The following GOLM2 variants were observed in gnomAD, a reference collection of about 807,000 sequenced individuals.
GOLM2 encodes protein GOLM2.
In GOLM2, 26 loss-of-function variants were observed where a neutral mutation model predicts 55.9. The observed-to-expected ratio is 0.47, with a 90% CI of 0.34 to 0.65. GOLM2 has a LOEUF of 0.65. Ranked by LOEUF, GOLM2 falls within the 30% of genes least tolerant of loss-of-function variation. The pLI is 0.01. For missense variants in GOLM2, 486 were observed against 531.8 expected (o/e 0.91, Z 0.85); for synonymous variants, 165 against 194.6 (o/e 0.85, Z 1.27).
chr15:44,336,843 G>A (rs770074044), intron 4 of GOLM2, among the ~76,000 whole-genome samples: 1 of 152,134 alleles, frequency 6.6e-6, no homozygotes, highest in Non-Finnish European at 1.5e-5. Flanking sequence ...ATGAACCTGG[G>A]AGGCGGAGCT....
At chr15:44,411,627 G>T (rs1046886553) in intron 9 of GOLM2, among the ~76,000 whole-genome samples, 1 of 151,912 alleles carries the variant, frequency 6.6e-6, no homozygotes, top group Non-Finnish European at 1.5e-5. Flanking sequence ...AGATCACAAG[G>T]CCAGGAGTTT....
Position 44,288,829 on chromosome 15 carries a change from G to C in GOLM2, c.-201G>C, listed in dbSNP as rs905587699. On this transcript the variant is annotated 5_prime_UTR_variant, in exon 1 of 10. Transcript: ENST00000299957. ...TTCAAAGCCTCCGGAACGCGTTTTG[G>C]CCTGATTTGAGGAGGGGGGCGGGGA... The C allele has an allele frequency of 1.7e-6, 1 of 585,542 alleles. No individual in the cohort carries two copies. Among genetic ancestry groups the C allele is most frequent in the Non-Finnish European group, 3.0e-6 (1 of 333,720 alleles). 36.3% of individuals were successfully genotyped at this position (585,542 alleles called of 1,614,324 possible).
intron 8 of GOLM2, among the ~76,000 whole-genome samples, chr15:44,389,020 T>C (rs1361545914): frequency 6.6e-6 from 1 of 151,994 alleles, no homozygotes; most frequent in East Asian, 2.0e-4. Flanking sequence ...GGTTTCACTA[T>C]GTTAGCCAGG....
At chr15:44,339,723 C>A (rs1422923260) in intron 6 of GOLM2, among the ~76,000 whole-genome samples, 1 of 152,156 alleles carries the variant, frequency 6.6e-6, no homozygotes, top group African/African-American at 2.4e-5. Context: ...CAGTTTTGAT[C>A]TCCTGGGCGC....
At chr15:44,412,432 TGTTTA>T (rs1567046982) in intron 9 of GOLM2, among the ~76,000 whole-genome samples, 1 of 152,172 alleles carries the variant, frequency 6.6e-6, no homozygotes, top group Non-Finnish European at 1.5e-5. Context: ...CTTTTTTTTC[TGTTTA>T]GTTAAGAAAA....
intron 6 of GOLM2, among the ~76,000 whole-genome samples, chr15:44,379,080 T>A (rs2079384165): frequency 6.6e-6 from 1 of 152,200 alleles, no homozygotes; most frequent in Admixed American, 6.5e-5. Context: ...GTTGAACTTC[T>A]CTTACATGCT....
intron 7 of GOLM2, 68 bp from the exon 8 acceptor site, chr15:44,380,738 T>C (rs1385855663): frequency 8.6e-6 from 10 of 1,160,802 alleles, no homozygotes; most frequent in Non-Finnish European, 1.1e-5. Context: ...AAAGCAGATC[T>C]TGTGAAATTC....
chr15:44,298,016 C>T (rs1349091773), intron 1 of GOLM2, among the ~76,000 whole-genome samples: 3 of 151,518 alleles, frequency 2.0e-5, no homozygotes, highest in East Asian at 3.9e-4. Context: ...TACAGGCACG[C>T]ACCACCAGGC....
Position 44,289,432 on chromosome 15 carries a change from T to C in GOLM2, c.327+76T>C. On this transcript the variant is annotated intron_variant, in intron 1 of 9. Transcript: ENST00000299957. The surrounding 1 kb of genome is among the most constrained non-coding windows in gnomAD (Gnocchi z 4.8). ...GGTCTGGGGCGGGATGTTAATCCGC[T>C]AGCTGTTGTCTTATGCCTTCCAGTA... 7.5e-7 allele frequency: 1 copy of C among 1,333,540 alleles called. No homozygotes were observed. Among genetic ancestry groups the C allele is most frequent in the Non-Finnish European group, 1.0e-6 (1 of 974,958 alleles). The allele number at this position is 1,333,540 out of a possible 1,614,324, so 82.6% of individuals were successfully genotyped here.
chr15:44,341,576 C>G (rs1454921331), intron 6 of GOLM2, among the ~76,000 whole-genome samples: 1 of 151,758 alleles, frequency 6.6e-6, no homozygotes, highest in Non-Finnish European at 1.5e-5. Context: ...TCCTATCAGA[C>G]AGTGGTTTTC....
At position 44,288,903 on chromosome 15, in the gene GOLM2, C is replaced by G. The variant is rs1266377809; in HGVS notation, c.-127C>G. The stretch of plus-strand genomic sequence containing the variant: ...CCCCCTTCTCCGGCTCGCAGCCGAC[C>G]GGTAAGCCCGCCTCCTCCCTCGGCC... On this transcript the variant is annotated 5_prime_UTR_variant, in exon 1 of 10. Coordinates refer to ENST00000299957, the MANE Select transcript of GOLM2 (RefSeq NM_138423.4). The G allele has an allele frequency of 7.3e-6, 6 of 824,544 alleles. No homozygotes were observed. Among genetic ancestry groups the G allele is most frequent in the Non-Finnish European group, 1.1e-5 (6 of 542,118 alleles). 51.1% of individuals were successfully genotyped at this position (824,544 alleles called of 1,614,324 possible). A position where few individuals can be genotyped will look rare whatever the true frequency, so the allele number is the denominator to read the frequency against.
intron 6 of GOLM2, among the ~76,000 whole-genome samples, chr15:44,341,755 C>G (rs971464668): frequency 4.4e-5 from 6 of 136,436 alleles, no homozygotes; most frequent in Non-Finnish European, 9.1e-5. Flanking sequence ...GGAGTGCAGT[C>G]GTGCGATCTT....
intron 6 of GOLM2, among the ~76,000 whole-genome samples, chr15:44,378,395 TCGCCCAGGC>T (rs2079379169): frequency 6.7e-6 from 1 of 149,590 alleles, no homozygotes; most frequent in East Asian, 2.0e-4. Context: ...TTCACTCTTA[TCGCCCAGGC>T]CGCAGTGCAG....
At chr15:44,321,225 A>C (rs909059703) in intron 1 of GOLM2, among the ~76,000 whole-genome samples, 12 of 152,240 alleles carry the variant, frequency 7.9e-5, no homozygotes, top group African/African-American at 2.9e-4. Context: ...TAATCCCAGC[A>C]CTTTGGGAGA....
intron 6 of GOLM2, among the ~76,000 whole-genome samples, chr15:44,346,328 A>G (rs2079124344): frequency 2.0e-5 from 3 of 151,980 alleles, no homozygotes; most frequent in Admixed American, 2.0e-4. Context: ...AAAAAAAGAT[A>G]CTGATGCCTA....
intron 1 of GOLM2, among the ~76,000 whole-genome samples, chr15:44,309,835 A>G (rs2078861397): frequency 1.3e-5 from 2 of 152,186 alleles, no homozygotes; most frequent in South Asian, 2.1e-4. Flanking sequence ...TAGTGAATTC[A>G]GAATTCAGAC....
chr15:44,390,411 G>GAGT (rs1204310853), intron 8 of GOLM2: 1 of 152,160 alleles, frequency 6.6e-6, no homozygotes, highest in African/African-American at 2.4e-5. Flanking sequence ...AAACAGTAGG[G>GAGT]AGTGATTGTT....
chr15:44,404,237 T>C (rs2079583684), intron 9 of GOLM2, among the ~76,000 whole-genome samples: 1 of 152,172 alleles, frequency 6.6e-6, no homozygotes, highest in Non-Finnish European at 1.5e-5. Context: ...TTTAAAGTAA[T>C]TAAATTTTTA....
At chr15:44,377,835 T>G (rs1462626361) in intron 6 of GOLM2, among the ~76,000 whole-genome samples, 2 of 151,672 alleles carry the variant, frequency 1.3e-5, no homozygotes, top group African/African-American at 2.4e-5. Flanking sequence ...ATATATGATA[T>G]AACCCTAATT....
Sources: allele counts gnomAD v4.1 joint callset (sites outside exome capture counted in the v4.1 genomes callset), GRCh38; gene constraint gnomAD v4.1.1; non-coding constraint Gnocchi (gnomAD v3.1); transcripts MANE v1.5; gene names NCBI Gene and HGNC (gene_info 2026-07-23, HGNC 2026-07-21).